COBL: variants seen among roughly 807,000 people sequenced by gnomAD.
COBL encodes the protein protein cordon-bleu.
COBL carries 51 observed loss-of-function variants against 98.8 expected under a neutral mutation model. That is an observed-to-expected ratio of 0.52 (90% CI 0.41 to 0.65). COBL has a LOEUF of 0.65. Among genes scored for constraint, COBL ranks in the 30% least tolerant of loss-of-function variants. The pLI is 0.00. For synonymous variants in COBL, 634 were observed against 651.7 expected, an observed-to-expected ratio of 0.97 and a Z score of 0.41; for missense variants, 1,617 against 1,617.5, an observed-to-expected ratio of 1.00 and a Z score of 0.01.
intron 5 of COBL, among the ~76,000 whole-genome samples, chr7:51,166,728 A>C (rs933851364): frequency 6.6e-6 from 1 of 152,210 alleles, no homozygotes; most frequent in African/African-American, 2.4e-5. Context: ...AACTGAATTC[A>C]ACAATACATT....
intron 6 of COBL, among the ~76,000 whole-genome samples, chr7:51,085,543 A>G (rs1794150801): frequency 6.6e-6 from 1 of 152,192 alleles, no homozygotes; most frequent in South Asian, 2.1e-4. Context: ...TGTTGCTCAT[A>G]GACACCCCAA....
In COBL at chr7:51,028,275, C is replaced by T. The variant is rs374070036; in HGVS notation, c.2821G>A (p.Gly941Arg). The T allele has an allele frequency of 2.5e-5, 41 of 1,614,182 alleles. No homozygotes were observed. The highest frequency in any genetic ancestry group is 1.6e-4 in the Middle Eastern group (1 of 6,062). ...GGGGCTCCCACTGCCAAATCTTCCC[C>T]GTGGTTGTTGGGAGGAGTGACACAG... ...WPCVTPPNNH[G>R]EDLAVGAPPR... The change falls in exon 10 of 13, where the codon GGG becomes AGG. Residue 941 changes from glycine to arginine, a missense_variant. Physicochemically the swap from Gly to Arg is moderately radical, Grantham distance 125. Coordinates refer to ENST00000265136, the MANE Select transcript of COBL (RefSeq NM_015198.5).
intron 1 of COBL, among the ~76,000 whole-genome samples, chr7:51,315,305 C>T (rs971783375): frequency 6.6e-6 from 1 of 151,108 alleles, no homozygotes; most frequent in South Asian, 2.1e-4. Context: ...TTTTAACATT[C>T]CTCAGCTTCA....
chr7:51,295,425 T>A (rs1801335338), intron 1 of COBL, among the ~76,000 whole-genome samples: 1 of 151,868 alleles, frequency 6.6e-6, no homozygotes, highest in Admixed American at 6.6e-5. Context: ...TAAAAATACA[T>A]ACATTAAAAA....
At chr7:51,063,067 A>C (rs1320310597) in intron 7 of COBL, among the ~76,000 whole-genome samples, 2 of 152,206 alleles carry the variant, frequency 1.3e-5, no homozygotes, top group African/African-American at 2.4e-5. Flanking sequence ...TTCCTAAGAA[A>C]AAGGAAGACA....
At chr7:51,264,640 C>T (rs1798024317) in intron 1 of COBL, among the ~76,000 whole-genome samples, 1 of 133,770 alleles carries the variant, frequency 7.5e-6, no homozygotes, top group Non-Finnish European at 1.5e-5. Context: ...CACTGCACTC[C>T]AGCCTGGGTG....
intron 5 of COBL, among the ~76,000 whole-genome samples, chr7:51,154,113 C>A (rs1785849994): frequency 6.6e-6 from 1 of 152,172 alleles, no homozygotes; most frequent in African/African-American, 2.4e-5. Flanking sequence ...CCTCTGAATC[C>A]AAGCTTCTGA....
intron 7 of COBL, among the ~76,000 whole-genome samples, chr7:51,062,398 CCT>C (rs36008765): frequency 0.37 from 56,149 of 151,846 alleles, 13,187 homozygotes; most frequent in Non-Finnish European, 0.54. Context: ...TGGGTCAGCC[CCT>C]GAGTCACAGC....
intron 9 of COBL, among the ~76,000 whole-genome samples, chr7:51,029,844 C>G (rs1008473716): frequency 2.0e-5 from 3 of 152,184 alleles, no homozygotes; most frequent in Non-Finnish European, 2.9e-5. Context: ...CTGCCAACAT[C>G]CTTCACTTAA....
intron 6 of COBL, among the ~76,000 whole-genome samples, chr7:51,087,021 G>C (rs1794332699): frequency 6.6e-6 from 1 of 150,788 alleles, no homozygotes; most frequent in African/African-American, 2.4e-5. Context: ...TTCTAAATAA[G>C]AAGCTTATTG....
At chr7:51,220,834 A>G (rs1251920972) in intron 1 of COBL, among the ~76,000 whole-genome samples, 2 of 152,110 alleles carry the variant, frequency 1.3e-5, no homozygotes, top group Non-Finnish European at 2.9e-5. Context: ...GAACATTTTT[A>G]GAAATTCTTG....
intron 8 of COBL, among the ~76,000 whole-genome samples, chr7:51,042,534 A>T (rs567970653): frequency 1.3e-5 from 2 of 151,586 alleles, no homozygotes; most frequent in East Asian, 3.9e-4. Flanking sequence ...TAATTTTTAA[A>T]TTTTTTTTGT....
At chr7:51,313,437 AAT>A (rs1803247312) in intron 1 of COBL, among the ~76,000 whole-genome samples, 1 of 152,232 alleles carries the variant, frequency 6.6e-6, no homozygotes, top group Non-Finnish European at 1.5e-5. Context: ...TGATTAAATA[AAT>A]ATAAATTTAT....
At chr7:51,112,018 C>T (rs1370662069) in intron 6 of COBL, among the ~76,000 whole-genome samples, 1 of 152,186 alleles carries the variant, frequency 6.6e-6, no homozygotes, top group Non-Finnish European at 1.5e-5. Context: ...ATCCAGTTCA[C>T]TTGCATGGCA....
In COBL at chr7:51,029,088, G is replaced by A. The variant is rs1340454444; in HGVS notation, c.2008C>T (p.Pro670Ser). The change falls in exon 10 of 13, where the codon CCG (proline) becomes TCG (serine). Residue 670 changes from proline (P) to serine (S), a missense_variant. Coordinates refer to ENST00000265136, the MANE Select transcript of COBL (RefSeq NM_015198.5). ...TCGTTGCTGTCCTTTTCATTCACCG[G>A]TTGGGAATTCACTCTCTCTGTGGCT... ...TQATERVNSQ[P>S]VNEKDSNDKN... The A allele has an allele frequency of 1.2e-6, 2 of 1,614,156 alleles. No individual in the cohort carries two copies. Among genetic ancestry groups the A allele is most frequent in the South Asian group, 1.1e-5 (1 of 91,078 alleles).
chr7:51,305,729 G>A (rs187831149), intron 1 of COBL, among the ~76,000 whole-genome samples: 4 of 152,284 alleles, frequency 2.6e-5, no homozygotes, highest in East Asian at 1.9e-4. Context: ...CCAGGTATGC[G>A]CTTAAAACAT....
At chr7:51,249,363 C>A (rs558987344) in intron 1 of COBL, among the ~76,000 whole-genome samples, 1 of 152,194 alleles carries the variant, frequency 6.6e-6, no homozygotes, top group African/African-American at 2.4e-5. Context: ...CTCTCATCAT[C>A]CTTCCCACAG....
At chr7:51,142,533 G>A (rs576182095) in intron 5 of COBL, among the ~76,000 whole-genome samples, 1 of 152,022 alleles carries the variant, frequency 6.6e-6, no homozygotes, top group South Asian at 2.1e-4. Context: ...ACAGGAGCGT[G>A]CCACCACGCC....
intron 6 of COBL, among the ~76,000 whole-genome samples, chr7:51,127,323 C>T (rs150528115): frequency 6.6e-6 from 1 of 152,212 alleles, no homozygotes; most frequent in Non-Finnish European, 1.5e-5. Context: ...ATGTGACAGA[C>T]ACCCAAGTCC....
Sources: gnomAD v4.1 joint callset for allele counts (sites outside exome capture counted in the v4.1 genomes callset) on GRCh38, gnomAD v4.1.1 for gene constraint, MANE v1.5 for transcripts, NCBI Gene and HGNC (gene_info 2026-07-23, HGNC 2026-07-21) for gene names.